The following CAMK4 variants were observed in gnomAD, a reference collection of about 807,000 sequenced individuals.
The protein encoded by CAMK4 is calcium/calmodulin-dependent protein kinase type IV.
In CAMK4, 22 loss-of-function variants were observed where a neutral mutation model predicts 44.9. The observed-to-expected ratio is 0.49, with a 90% confidence interval of 0.35 to 0.70. The LOEUF (loss-of-function observed/expected upper bound fraction) is 0.70, where lower values mean the gene tolerates loss of function less well. Among genes scored for constraint, CAMK4 ranks in the 30% least tolerant of loss-of-function variants. The pLI is 0.01. For synonymous variants in CAMK4, 218 were observed against 215.4 expected (o/e 1.01, Z -0.11); for missense variants, 498 against 586.8 (o/e 0.85, Z 1.56).
At chr5:111,250,543 A>G (rs1749440646) in intron 1 of CAMK4, among the ~76,000 whole-genome samples, 1 of 152,196 alleles carries the variant, frequency 6.6e-6, no homozygotes, top group Admixed American at 6.5e-5. Flanking sequence ...ATGCTGACAT[A>G]CTAAAGGTAC....
chr5:111,476,020 C>T (rs1203093938), intron 8 of CAMK4, among the ~76,000 whole-genome samples: 1 of 152,078 alleles, frequency 6.6e-6, no homozygotes, highest in Non-Finnish European at 1.5e-5. Flanking sequence ...AATGAAGCTA[C>T]GTTATAAGCT....
Position 111,482,579 on chromosome 5 carries a change from G to T in CAMK4, c.829-206G>T, listed in dbSNP as rs1755469733. 2.6e-6 allele frequency: 1 copy of T among 387,398 alleles called. No individual in the cohort carries two copies. Among genetic ancestry groups the T allele is most frequent in the Admixed American group, 4.5e-5 (1 of 22,050 alleles). The allele number at this position is 387,398 out of a possible 1,614,324, so 24.0% of individuals were successfully genotyped here. A position where few individuals can be genotyped will look rare whatever the true frequency, so the allele number is the denominator to read the frequency against. On this transcript the variant is annotated intron_variant, in intron 9 of 10. Coordinates refer to ENST00000282356, the MANE Select transcript of CAMK4 (RefSeq NM_001744.6). The surrounding 1 kb of genome is among the most constrained non-coding windows in gnomAD (Gnocchi z 4.9). Reference sequence around the variant, plus strand: ...ACTTTGGGGGTCTCAGGTGGTACATGGCCCTGTCTTCTCATACTCCCTCAG... The same window carrying T: ...ACTTTGGGGGTCTCAGGTGGTACATTGCCCTGTCTTCTCATACTCCCTCAG...
intron 1 of CAMK4, among the ~76,000 whole-genome samples, chr5:111,322,938 A>G (rs1748722592): frequency 6.6e-6 from 1 of 152,146 alleles, no homozygotes; most frequent in Non-Finnish European, 1.5e-5. Context: ...AAATCAATAG[A>G]AATTGTCCAA....
At chr5:111,237,345 T>C (rs917705286) in intron 1 of CAMK4, among the ~76,000 whole-genome samples, 1 of 152,222 alleles carries the variant, frequency 6.6e-6, no homozygotes, top group African/African-American at 2.4e-5. Context: ...CCCAACCATG[T>C]GTGCACCTGC....
At chr5:111,247,550 T>C (rs1749294646) in intron 1 of CAMK4, among the ~76,000 whole-genome samples, 1 of 151,250 alleles carries the variant, frequency 6.6e-6, no homozygotes, top group Non-Finnish European at 1.5e-5. Context: ...ATTTATTTTT[T>C]TCAAGGAATT....
intron 4 of CAMK4, among the ~76,000 whole-genome samples, chr5:111,383,701 G>A (rs554282132): frequency 2.0e-5 from 3 of 150,534 alleles, no homozygotes; most frequent in South Asian, 4.2e-4. Flanking sequence ...TCTTGACCTC[G>A]TGATCCACCC....
At chr5:111,434,571 C>A (rs754627793) in intron 5 of CAMK4, among the ~76,000 whole-genome samples, 3 of 152,198 alleles carry the variant, frequency 2.0e-5, no homozygotes, top group Non-Finnish European at 2.9e-5. Context: ...CACAGCCAGA[C>A]AGTCCTAACC....
chr5:111,475,606 T>G (rs1213991753), intron 8 of CAMK4, among the ~76,000 whole-genome samples: 6 of 152,240 alleles, frequency 3.9e-5, no homozygotes, highest in African/African-American at 7.2e-5. Flanking sequence ...AGGTAATTAA[T>G]TAATAGGTTT....
chr5:111,240,545 G>C (rs1326856849), intron 1 of CAMK4, among the ~76,000 whole-genome samples: 1 of 152,016 alleles, frequency 6.6e-6, no homozygotes, highest in Non-Finnish European at 1.5e-5. Context: ...CTCTCTTCTG[G>C]CGAAGGAACT....
chr5:111,337,359 A>G (rs1423744006), intron 1 of CAMK4, among the ~76,000 whole-genome samples: 1 of 151,216 alleles, frequency 6.6e-6, no homozygotes, highest in Non-Finnish European at 1.5e-5. Context: ...ATCTTACTTG[A>G]GTAAATACCT....
At chr5:111,336,037 T>C (rs1306153993) in intron 1 of CAMK4, among the ~76,000 whole-genome samples, 1 of 151,438 alleles carries the variant, frequency 6.6e-6, no homozygotes, top group East Asian at 1.9e-4. Context: ...TTAAAACTAA[T>C]GTAAAAGAAA....
chr5:111,323,044 C>A (rs1748728004), intron 1 of CAMK4, among the ~76,000 whole-genome samples: 2 of 151,888 alleles, frequency 1.3e-5, no homozygotes, highest in South Asian at 2.1e-4. Context: ...GAATATATGT[C>A]TCAGAGGGAG....
At chr5:111,444,044 T>C (rs1388437991) in intron 5 of CAMK4, among the ~76,000 whole-genome samples, 1 of 152,188 alleles carries the variant, frequency 6.6e-6, no homozygotes, top group Non-Finnish European at 1.5e-5. Flanking sequence ...CTTCATTACC[T>C]TCCTTTCCAG....
At chr5:111,434,403 A>G (rs1454273011) in intron 5 of CAMK4, among the ~76,000 whole-genome samples, 2 of 152,206 alleles carry the variant, frequency 1.3e-5, no homozygotes, top group African/African-American at 2.4e-5. Flanking sequence ...AGGTAGGATT[A>G]TGACTGATTG....
chr5:111,274,551 T>C (rs377442522), intron 1 of CAMK4, among the ~76,000 whole-genome samples: 17 of 152,330 alleles, frequency 1.1e-4, no homozygotes, highest in African/African-American at 3.6e-4. Flanking sequence ...AGTGAACATC[T>C]TCTTATATGT....
chr5:111,360,086 A>C (rs996202111), intron 2 of CAMK4, among the ~76,000 whole-genome samples: 2 of 152,150 alleles, frequency 1.3e-5, no homozygotes, highest in East Asian at 3.9e-4. Flanking sequence ...TATTTTCTAC[A>C]ACAGCATTTA....
At chr5:111,265,991 T>C (rs776688111) in intron 1 of CAMK4, 2 of 152,082 alleles carry the variant, frequency 1.3e-5, no homozygotes, top group Non-Finnish European at 2.9e-5. Context: ...GTGGGAGCCA[T>C]TGGAGTTTTA....
At chr5:111,366,601 C>G (rs1277796892) in intron 2 of CAMK4, among the ~76,000 whole-genome samples, 1 of 152,086 alleles carries the variant, frequency 6.6e-6, no homozygotes, top group Non-Finnish European at 1.5e-5. Context: ...TTTTCCTCAT[C>G]AACAGTCTTG....
chr5:111,349,055 T>C (rs537075510), intron 2 of CAMK4, among the ~76,000 whole-genome samples: 1 of 152,158 alleles, frequency 6.6e-6, no homozygotes, highest in African/African-American at 2.4e-5. Flanking sequence ...GTGTTAACTG[T>C]AAACAAGAGA....
Sources: gnomAD v4.1 joint callset for allele counts (sites outside exome capture counted in the v4.1 genomes callset) on GRCh38, gnomAD v4.1.1 for gene constraint, Gnocchi (gnomAD v3.1) non-coding constraint, MANE v1.5 for transcripts, NCBI Gene and HGNC (gene_info 2026-07-23, HGNC 2026-07-21) for gene names.